TMPRSS11B: variants seen among roughly 807,000 people sequenced by gnomAD.
TMPRSS11B encodes the protein transmembrane protease serine 11B.
In TMPRSS11B, 53 loss-of-function variants were observed where a neutral mutation model predicts 44.7. That is an observed-to-expected ratio of 1.19 (90% CI 0.95 to 1.49). The LOEUF (loss-of-function observed/expected upper bound fraction) is 1.49. Among genes scored for constraint, TMPRSS11B ranks in the 40% most tolerant of loss-of-function variants. The pLI is 0.00. For missense variants in TMPRSS11B, 526 were observed against 494.8 expected (o/e 1.06, Z -0.60); for synonymous variants, 140 against 159.2 (o/e 0.88, Z 0.91).
At chr4:68,239,777 C>G (rs547431484) in intron 2 of TMPRSS11B, among the ~76,000 whole-genome samples, 1 of 152,216 alleles carries the variant, frequency 6.6e-6, no homozygotes, top group East Asian at 1.9e-4. Context: ...AAAAGGCATG[C>G]ATGGGTAAGG....
chr4:68,229,175 AG>A (rs1178269469), intron 8 of TMPRSS11B, 81 bp downstream of exon 8: 2 of 1,314,892 alleles, frequency 1.5e-6, no homozygotes, highest in Non-Finnish European at 2.1e-6. Context: ...TAATTGCATG[AG>A]GGGATGATTG....
chr4:68,244,086 A>T (rs1719937366), intron 1 of TMPRSS11B, among the ~76,000 whole-genome samples: 1 of 152,194 alleles, frequency 6.6e-6, no homozygotes, highest in African/African-American at 2.4e-5. Context: ...TTTGAATAAT[A>T]GCTGCACTTT....
intron 2 of TMPRSS11B, among the ~76,000 whole-genome samples, chr4:68,239,352 A>G (rs1358923725): frequency 1.3e-5 from 2 of 152,086 alleles, no homozygotes; most frequent in Non-Finnish European, 2.9e-5. Flanking sequence ...CAAAATACAC[A>G]CAGAGGAAAG....
chr4:68,233,123 C>T (rs1719564893), intron 5 of TMPRSS11B, among the ~76,000 whole-genome samples: 1 of 151,912 alleles, frequency 6.6e-6, no homozygotes, highest in East Asian at 1.9e-4. Flanking sequence ...TAAAGAAACA[C>T]TAGAAAATGC....
intron 5 of TMPRSS11B, among the ~76,000 whole-genome samples, 179 bp from the exon 6 acceptor site, chr4:68,232,595 C>T (rs1719547294): frequency 1.3e-5 from 2 of 152,156 alleles, no homozygotes; most frequent in Admixed American, 1.3e-4. Context: ...ATAACCATCT[C>T]TCCATATCTC....
At chr4:68,237,887 C>T (rs1004597590) in intron 2 of TMPRSS11B, among the ~76,000 whole-genome samples, 1 of 152,012 alleles carries the variant, frequency 6.6e-6, no homozygotes, top group African/African-American at 2.4e-5. Context: ...CATGGTGGCA[C>T]GTGCCTGTAG....
At chr4:68,231,138 C>G (rs1051500297) in intron 7 of TMPRSS11B, 65 bp downstream of exon 7, 78 of 1,437,924 alleles carry the variant, frequency 5.4e-5, no homozygotes, top group Non-Finnish European at 6.7e-5. Flanking sequence ...TAAGTTAACC[C>G]CTACAAACTA....
At chr4:68,232,270 C>T (rs929893884) in intron 6 of TMPRSS11B, 108 bp downstream of exon 6, 14 of 1,020,364 alleles carry the variant, frequency 1.4e-5, no homozygotes, top group African/African-American at 6.6e-5. Flanking sequence ...ATTCGGAAAG[C>T]GTGTTATGGG....
At chr4:68,239,285 C>T (rs1719759709) in intron 2 of TMPRSS11B, among the ~76,000 whole-genome samples, 1 of 152,156 alleles carries the variant, frequency 6.6e-6, no homozygotes, top group Admixed American at 6.5e-5. Flanking sequence ...CTCTCTCTCG[C>T]ACTCTATCTC....
chr4:68,229,200 TTGATTGATTAAA>T lies in TMPRSS11B; in HGVS notation c.946+45_946+56del, dbSNP rs762069986. 200 of 1,338,486 alleles carry T rather than the reference TTGATTGATTAAA, an allele frequency of 1.5e-4. 2 individuals carry two copies. The highest frequency in any genetic ancestry group is 1.8e-4 in the Non-Finnish European group (178 of 997,822). The allele number at this position is 1,338,486 out of a possible 1,614,324, so 82.9% of individuals were successfully genotyped here. A position where few individuals can be genotyped will look rare whatever the true frequency, so the allele number is the denominator to read the frequency against. ...AGGGGATGATTGATTGATTGATTGA[TTGATTGATTAAA>T]TAGTTATTCCCATGCAGCTATTATG... On this transcript the variant is annotated intron_variant, in intron 8 of 9. Transcript: ENST00000332644.
Position 68,241,819 on chromosome 4 carries a change from A to T in TMPRSS11B, c.9-15T>A. On this transcript the variant is annotated splice_polypyrimidine_tract_variant and intron_variant, in intron 1 of 9. Transcript: ENST00000332644. Reference sequence around the variant, plus strand: ...ATATGCCGTGCCTATGAAAGAGGAAAATTTTGGTTCAAATCAGATAATAAC... The same window carrying T: ...ATATGCCGTGCCTATGAAAGAGGAATATTTTGGTTCAAATCAGATAATAAC... 6.4e-7 allele frequency: 1 copy of T among 1,564,040 alleles called. No individual in the cohort carries two copies.
In TMPRSS11B at chr4:68,228,892, C is replaced by A. The variant is rs563351333; in HGVS notation, c.947-8G>T. ...GTATCACTGGAAATGAACCTAAAAG[C>A]AATAAGTGCTGCATATTATGCAGAT... is the stretch of plus-strand genomic sequence containing the variant. On this transcript the variant is annotated splice_region_variant and splice_polypyrimidine_tract_variant and intron_variant, in intron 8 of 9. Transcript: ENST00000332644. 1.2e-6 allele frequency: 2 copies of A among 1,610,940 alleles called. No homozygotes were observed. The highest frequency in any genetic ancestry group is 1.7e-6 in the Non-Finnish European group (2 of 1,178,744).
chr4:68,234,025 A>T (rs1375170503), intron 5 of TMPRSS11B, among the ~76,000 whole-genome samples: 2 of 152,062 alleles, frequency 1.3e-5, no homozygotes, highest in African/African-American at 4.8e-5. Context: ...CAAAAAAATT[A>T]GCCAGGTGTG....
chr4:68,242,362 T>TTA (rs1491245605), intron 1 of TMPRSS11B, among the ~76,000 whole-genome samples: 11 of 23,928 alleles, frequency 4.6e-4, no homozygotes, highest in Admixed American at 3.6e-3. Flanking sequence ...TAATATTATA[T>TTA]TATATATAAT....
intron 2 of TMPRSS11B, among the ~76,000 whole-genome samples, chr4:68,236,485 G>C (rs2109960520): frequency 6.6e-6 from 1 of 152,126 alleles, no homozygotes; most frequent in East Asian, 1.9e-4. Context: ...ATTCAACCCA[G>C]CTTTAGAAAT....
chr4:68,244,577 A>G (rs777507763), intron 1 of TMPRSS11B, among the ~76,000 whole-genome samples: 17 of 152,252 alleles, frequency 1.1e-4, no homozygotes, highest in Admixed American at 2.6e-4. Context: ...AAAAAAATAA[A>G]TGAAAACTCA....
intron 5 of TMPRSS11B, 74 bp downstream of exon 5, chr4:68,234,389 C>T: frequency 1.3e-6 from 2 of 1,495,102 alleles, no homozygotes; most frequent in South Asian, 1.3e-5. Flanking sequence ...TCTTAGTTCA[C>T]TTTTTAGTAC....
intron 4 of TMPRSS11B, 132 bp from the exon 5 acceptor site, chr4:68,234,755 C>A (rs1207761865): frequency 1.1e-6 from 1 of 873,926 alleles, no homozygotes; most frequent in Non-Finnish European, 1.7e-6. Flanking sequence ...CATATACTAT[C>A]TAAGCATGTA....
chr4:68,232,342 T>C (rs763052332), intron 6 of TMPRSS11B, 36 bp downstream of exon 6: 2 of 1,586,416 alleles, frequency 1.3e-6, no homozygotes, highest in Non-Finnish European at 1.7e-6. Context: ...TACCTGTGAG[T>C]CCATCAAATT....
Sources: gnomAD v4.1 joint callset for allele counts (sites outside exome capture counted in the v4.1 genomes callset) on GRCh38, gnomAD v4.1.1 for gene constraint, MANE v1.5 for transcripts, NCBI Gene and HGNC (gene_info 2026-07-23, HGNC 2026-07-21) for gene names.